Variants in RNF32 observed in about 807,000 individuals in gnomAD.
RNF32 encodes ring finger protein 32.
Under a neutral mutation model 41.0 loss-of-function variants are expected in RNF32, and 36 were observed. The ratio of observed to expected loss-of-function variants is 0.88; its 90% CI spans 0.67 to 1.16. The LOEUF is 1.16. Among genes scored for constraint, RNF32 ranks in the 50% most tolerant of loss-of-function variants. The pLI, the probability that RNF32 is intolerant of heterozygous loss-of-function variation, is 0.00. For synonymous variants in RNF32, 154 were observed against 160.9 expected, an observed-to-expected ratio of 0.96 and a Z score of 0.32; for missense variants, 413 against 436.7, an observed-to-expected ratio of 0.95 and a Z score of 0.48.
intron 7 of RNF32, among the ~76,000 whole-genome samples, chr7:156,667,338 TA>T (rs1801489364): frequency 6.6e-6 from 1 of 152,242 alleles, no homozygotes; most frequent in Non-Finnish European, 1.5e-5. Context: ...TTTGTTAGTA[TA>T]TTTTTTTTAA....
chr7:156,640,848 G>A (rs1351768040), intron 1 of RNF32, 37 bp downstream of exon 1: 2 of 204,538 alleles, frequency 9.8e-6, no homozygotes, highest in African/African-American at 2.4e-5. Flanking sequence ...GGAAAGAAGG[G>A]TGGCCCGCCA....
chr7:156,660,808 A>G (rs1351212308), intron 7 of RNF32, among the ~76,000 whole-genome samples: 4 of 152,166 alleles, frequency 2.6e-5, no homozygotes, highest in Non-Finnish European at 2.9e-5. Flanking sequence ...GAGAAAGTGC[A>G]CCCCGGGCGG....
At chr7:156,642,079 T>C (rs1797417620) in intron 1 of RNF32, among the ~76,000 whole-genome samples, 1 of 152,218 alleles carries the variant, frequency 6.6e-6, no homozygotes, top group African/African-American at 2.4e-5. Context: ...CAAGTGTTAG[T>C]CCTTAGAAAT....
At chr7:156,674,776 AAATT>A (rs1803432115) in intron 7 of RNF32, among the ~76,000 whole-genome samples, 1 of 152,266 alleles carries the variant, frequency 6.6e-6, no homozygotes, top group African/African-American at 2.4e-5. Flanking sequence ...TACAATATTA[AAATT>A]AATTTCACCT....
At chr7:156,658,669 C>T in intron 7 of RNF32, 99 bp downstream of exon 7, 2 of 856,702 alleles carry the variant, frequency 2.3e-6, no homozygotes, top group Admixed American at 2.4e-5. Context: ...TTGAGACTTA[C>T]TTCACTTTGA....
Position 156,669,010 on chromosome 7 carries a change from G to A in RNF32, c.685-6686G>A, listed in dbSNP as rs1158491357. On this transcript the variant is annotated intron_variant, in intron 7 of 8. Transcript: ENST00000317955. The surrounding 1 kb of genome is among the most constrained non-coding windows in gnomAD (Gnocchi z 4.2). ...AGAAAAAAGTATGAATTGTTAATAA[G>A]TGTAAAAATGATATTTGGTTACATA... The A allele has an allele frequency of 6.6e-6, 1 of 152,206 alleles. No homozygotes were observed. Among genetic ancestry groups the A allele is most frequent in the Non-Finnish European group, 1.5e-5 (1 of 68,038 alleles). The allele number at this position is 152,206 out of a possible 1,614,324, so 9.4% of individuals were successfully genotyped here.
In RNF32 at chr7:156,676,616, C is replaced by T; in HGVS notation, c.1050C>T (p.Leu350=). The change falls in exon 9 of 9, where the codon CTC becomes CTT. Residue 350 remains leucine (L), a synonymous_variant. Coordinates refer to ENST00000317955, the MANE Select transcript of RNF32 (RefSeq NM_030936.4). ...GGCCTCCTTTCCATGCCTGTCCTCT[C>T]TGCCGCTCCTGCTACCAGAAGAAGA... ...GDRPPFHACP[L]CRSCYQKKIL... is the part of the protein sequence containing the mutation. The T allele has an allele frequency of 6.2e-7, 1 of 1,614,130 alleles. No individual in the cohort carries two copies.
intron 7 of RNF32, among the ~76,000 whole-genome samples, chr7:156,664,015 G>A (rs1801000615): frequency 6.6e-6 from 1 of 152,226 alleles, no homozygotes; most frequent in Admixed American, 6.5e-5. Context: ...AGTCAGGGGA[G>A]ATAACGAGGG....
chr7:156,640,254 G>A, upstream of RNF32: 2 of 447,996 alleles, frequency 4.5e-6, no homozygotes, highest in Non-Finnish European at 8.9e-6. Flanking sequence ...TAACAGCGCA[G>A]CGAAGGGGCG....
chr7:156,663,526 A>ATATAAATTTAATG (rs1461799698), intron 7 of RNF32, among the ~76,000 whole-genome samples: 104 of 152,330 alleles, frequency 6.8e-4, no homozygotes, highest in Middle Eastern at 6.8e-3. Flanking sequence ...CACTTACTTT[A>ATATAAATTTAATG]TATAAATTTA....
chr7:156,649,750 C>T (rs1430073384), intron 3 of RNF32, among the ~76,000 whole-genome samples: 1 of 152,152 alleles, frequency 6.6e-6, no homozygotes, highest in African/African-American at 2.4e-5. Flanking sequence ...AATCTTCGTG[C>T]ATAGCTTGAA....
In RNF32 at chr7:156,658,242, T is replaced by C; in HGVS notation, c.565T>C (p.Cys189Arg). Residue 189 changes from cysteine (C) to arginine (R), a missense_variant, in exon 6 of 9, where the codon TGT becomes CGT. Physicochemically the swap from Cys to Arg is radical, Grantham distance 180. Coordinates refer to ENST00000317955, the MANE Select transcript of RNF32 (RefSeq NM_030936.4). ...HDGARLFRIK[C>R]VTRIQAYWRG... ...TGGGGCCCGCCTGTTCAGAATCAAGTGTGTGACCAGGTGAGGACGCCAGGC... is the reference window on the plus strand; with the variant it reads ...TGGGGCCCGCCTGTTCAGAATCAAGCGTGTGACCAGGTGAGGACGCCAGGC... The C allele has an allele frequency of 6.2e-7, 1 of 1,614,092 alleles. No individual in the cohort carries two copies. Among genetic ancestry groups the C allele is most frequent in the Non-Finnish European group, 8.5e-7 (1 of 1,180,026 alleles).
In RNF32 at chr7:156,667,561, A is replaced by G. The variant is rs184119709; in HGVS notation, c.685-8135A>G. Among the ~76,000 whole-genome samples the G allele has an allele frequency of 5.3e-5, 8 of 152,356 alleles. No individual in the cohort carries two copies. In the East Asian group the frequency reaches 1.5e-3, roughly 29 times the overall value. ...ATCAACCACTTGTTTAAAAACTAGA[A>G]GTCAGTTGTCATTTGTTTTTGACAG... On this transcript the variant is annotated intron_variant, in intron 7 of 8. Transcript: ENST00000317955.
intron 1 of RNF32, among the ~76,000 whole-genome samples, chr7:156,641,173 C>T (rs947588335): frequency 2.0e-5 from 3 of 152,208 alleles, no homozygotes; most frequent in East Asian, 3.8e-4. Context: ...GCCTCGTCAC[C>T]GCGCGCTTCC....
At chr7:156,640,553 C>T (rs1460661036), upstream of RNF32, 1 of 389,574 alleles carries the variant, frequency 2.6e-6, no homozygotes, top group Non-Finnish European at 5.0e-6. Flanking sequence ...TAGACGCTGA[C>T]GCCGTGCGCG....
At position 156,676,676 on chromosome 7, in the gene RNF32, A is replaced by G. The variant is rs1585145407; in HGVS notation, c.*21A>G. ...GTTGAATTCATAGTCAAGGAAAGTT[A>G]GGTAATTCTGAGGAAAAAAGTTTAC... On this transcript the variant is annotated 3_prime_UTR_variant, in exon 9 of 9. Coordinates refer to ENST00000317955, the MANE Select transcript of RNF32 (RefSeq NM_030936.4). 1 of 1,593,308 alleles carries G rather than the reference A, an allele frequency of 6.3e-7. No individual in the cohort carries two copies. Among genetic ancestry groups the G allele is most frequent in the Middle Eastern group, 1.7e-4 (1 of 5,996 alleles).
At chr7:156,647,346 C>T (rs538050226) in intron 3 of RNF32, among the ~76,000 whole-genome samples, 1 of 152,228 alleles carries the variant, frequency 6.6e-6, no homozygotes, top group South Asian at 2.1e-4. Context: ...ATCCCACACC[C>T]TCCCACCCTC....
intron 7 of RNF32, among the ~76,000 whole-genome samples, chr7:156,674,193 G>GGCT (rs1438402593): frequency 6.6e-6 from 1 of 152,230 alleles, no homozygotes. Flanking sequence ...CAGGTGTCCT[G>GGCT]GCTTGCAGGC....
intron 7 of RNF32, chr7:156,658,992 T>C: frequency 6.7e-7 from 1 of 1,495,124 alleles, no homozygotes; most frequent in Non-Finnish European, 8.9e-7. Context: ...CATGCTACCA[T>C]TGTATTGAGT....
Sources: allele counts gnomAD v4.1 joint callset (sites outside exome capture counted in the v4.1 genomes callset), GRCh38; gene constraint gnomAD v4.1.1; non-coding constraint Gnocchi (gnomAD v3.1); transcripts MANE v1.5; gene names NCBI Gene and HGNC (gene_info 2026-07-23, HGNC 2026-07-21).